OR51E1: variants seen among roughly 807,000 people sequenced by gnomAD.
OR51E1 encodes the protein olfactory receptor family 51 subfamily E member 1.
OR51E1 carries 9 observed loss-of-function variants against 11.5 expected under a neutral mutation model. The ratio of observed to expected loss-of-function variants is 0.78; its 90% CI spans 0.47 to 1.37. OR51E1 has a LOEUF of 1.37. Ranked by LOEUF, OR51E1 falls within the 40% of genes most tolerant of loss-of-function variation. The probability of loss-of-function intolerance (pLI) is 0.00; values close to 1 mark genes in which losing one functional copy is unlikely to be tolerated. For synonymous variants in OR51E1, 168 were observed against 158.3 expected (o/e 1.06, Z -0.46); for missense variants, 397 against 410.2 (o/e 0.97, Z 0.28).
rs771264711 is a variant in OR51E1, at chr11:4,653,081, A to C, written c.555A>C (p.Gln185His). 2.7e-5 allele frequency: 44 copies of C among 1,613,864 alleles called. No homozygotes were observed. The highest frequency in any genetic ancestry group is 3.6e-5 in the Non-Finnish European group (42 of 1,179,934). The change falls in exon 2 of 2, where the codon CAA (glutamine) becomes CAC (histidine). Residue 185 changes from glutamine to histidine, a missense_variant. Physicochemically the swap from Gln to His is conservative, Grantham distance 24. Coordinates refer to ENST00000396952, the MANE Select transcript of OR51E1 (RefSeq NM_152430.4). ...NILSHSYCLH[Q>H]DVMKLACDDI... Reference sequence around the variant, plus strand: ...TTTCCCATTCCTACTGCCTACACCAAGATGTCATGAAGCTGGCCTGTGATG... The same window carrying C: ...TTTCCCATTCCTACTGCCTACACCACGATGTCATGAAGCTGGCCTGTGATG...
chr11:4,647,785 A>T (rs1847047305), intron 1 of OR51E1, among the ~76,000 whole-genome samples: 1 of 152,226 alleles, frequency 6.6e-6, no homozygotes, highest in African/African-American at 2.4e-5. Flanking sequence ...CAACTTATTC[A>T]CAGAAAATCT....
intron 1 of OR51E1, among the ~76,000 whole-genome samples, chr11:4,646,922 G>A (rs1204497379): frequency 6.6e-6 from 1 of 152,132 alleles, no homozygotes; most frequent in Non-Finnish European, 1.5e-5. Flanking sequence ...TTAAACTTTG[G>A]TTATGTTATT....
chr11:4,652,631 C>T lies in OR51E1; in HGVS notation c.105C>T (p.Cys35=). 1.2e-6 allele frequency: 2 copies of T among 1,613,584 alleles called. No homozygotes were observed. The highest frequency in any genetic ancestry group is 8.5e-7 in the Non-Finnish European group (1 of 1,179,618). Reference sequence around the variant, plus strand: ...AGTTCTGGTTGGCCTTCCCATTGTGCTCCCTCTACCTTATTGCTGTGCTAG... The same window carrying T: ...AGTTCTGGTTGGCCTTCCCATTGTGTTCCCTCTACCTTATTGCTGTGCTAG... ...EAQFWLAFPL[C]SLYLIAVLGN... The change falls in exon 2 of 2, where the codon TGC becomes TGT. Residue 35 remains cysteine, a synonymous_variant. Transcript: ENST00000396952.
Position 4,653,199 on chromosome 11 carries a change from C to T in OR51E1, c.673C>T (p.Leu225Phe), listed in dbSNP as rs1489469058. Residue 225 changes from leucine to phenylalanine, a missense_variant, in exon 2 of 2, where the codon CTT becomes TTT. By Grantham distance (22) the Leu-to-Phe change is conservative. Coordinates refer to ENST00000396952, the MANE Select transcript of OR51E1 (RefSeq NM_152430.4). ...CATCTCCTTCTCATATCTGCTTATT[C>T]TTAAGACTGTGTTGGGCTTGACACG... Reference protein sequence around the residue: ...LLISFSYLLILKTVLGLTREA... With the variant: ...LLISFSYLLIFKTVLGLTREA... 1.2e-6 allele frequency: 2 copies of T among 1,614,004 alleles called. No homozygotes were observed. The highest frequency in any genetic ancestry group is 1.7e-6 in the Non-Finnish European group (2 of 1,179,996).
At chr11:4,644,828 A>G (rs955210001) in intron 1 of OR51E1, among the ~76,000 whole-genome samples, 10 of 152,148 alleles carry the variant, frequency 6.6e-5, no homozygotes, top group Non-Finnish European at 2.9e-5. Context: ...ATACCCTGCA[A>G]GACCCTGTTA....
rs1327801225 is a variant in OR51E1 at position 4,653,292 on chromosome 11, C to A, written c.766C>A (p.Pro256Thr). ...HVCAVFIFYV[P>T]FIGLSMVHRF... The stretch of plus-strand genomic sequence containing the variant: ...GTGTGCTGTGTTCATATTCTATGTA[C>A]CTTTCATTGGATTGTCCATGGTGCA... The change falls in exon 2 of 2, where the codon CCT (proline) becomes ACT (threonine). Residue 256 changes from proline (P) to threonine (T), a missense_variant. Transcript: ENST00000396952. 3 of 1,614,138 alleles carry A rather than the reference C, an allele frequency of 1.9e-6. No homozygotes were observed. The highest frequency in any genetic ancestry group is 1.7e-5 in the Admixed American group (1 of 60,014).
At chr11:4,648,231 G>A (rs936051968) in intron 1 of OR51E1, among the ~76,000 whole-genome samples, 1 of 152,038 alleles carries the variant, frequency 6.6e-6, no homozygotes, top group African/African-American at 2.4e-5. Flanking sequence ...TTGATTTCTG[G>A]TATCTTTGTA....
At position 4,652,928 on chromosome 11, in the gene OR51E1, C is replaced by T; in HGVS notation, c.402C>T (p.Arg134=). The change falls in exon 2 of 2, where the codon CGC becomes CGT. Residue 134 remains arginine (R), a synonymous_variant. Coordinates refer to ENST00000396952, the MANE Select transcript of OR51E1 (RefSeq NM_152430.4). ...ATGTGGCCATCTGTCACCCACTGCG[C>T]CATGCCACAGTACTTACGTTGCCTC... The part of the protein sequence containing the change: ...DRYVAICHPL[R]HATVLTLPRV... 1 of 1,610,032 alleles carries T rather than the reference C, an allele frequency of 6.2e-7. No individual in the cohort carries two copies. The highest frequency in any genetic ancestry group is 8.5e-7 in the Non-Finnish European group (1 of 1,177,814).
chr11:4,653,023 T>A lies in OR51E1; in HGVS notation c.497T>A (p.Ile166Asn). 6.2e-7 allele frequency: 1 copy of A among 1,608,800 alleles called. No individual in the cohort carries two copies. Among genetic ancestry groups the A allele is most frequent in the South Asian group, 1.1e-5 (1 of 89,856 alleles). ...AALMAPLPVF[I>N]KQLPFCRSNI... ...CTGATGGCACCCCTTCCTGTCTTCA[T>A]CAAGCAGCTGCCCTTCTGCCGCTCC... Residue 166 changes from isoleucine to asparagine, a missense_variant, in exon 2 of 2, where the codon ATC becomes AAC. Coordinates refer to ENST00000396952, the MANE Select transcript of OR51E1 (RefSeq NM_152430.4).
At chr11:4,645,232 G>C (rs1237293636) in intron 1 of OR51E1, among the ~76,000 whole-genome samples, 1 of 152,118 alleles carries the variant, frequency 6.6e-6, no homozygotes, top group Non-Finnish European at 1.5e-5. Flanking sequence ...TTTATCTACT[G>C]TTTCATCTCC....
Position 4,653,258 on chromosome 11 carries a change from C to T in OR51E1, c.732C>T (p.Val244=), listed in dbSNP as rs1847127125. The change falls in exon 2 of 2, where the codon GTC becomes GTT. Residue 244 remains valine (V), a synonymous_variant. Coordinates refer to ENST00000396952, the MANE Select transcript of OR51E1 (RefSeq NM_152430.4). ...EAQAKAFGTC[V]SHVCAVFIFY... ...AGGCCAAGGCATTTGGCACTTGCGTCTCTCATGTGTGTGCTGTGTTCATAT... is the reference window on the plus strand; with the variant it reads ...AGGCCAAGGCATTTGGCACTTGCGTTTCTCATGTGTGTGCTGTGTTCATAT... 2 of 1,614,088 alleles carry T rather than the reference C, an allele frequency of 1.2e-6. No homozygotes were observed. The highest frequency in any genetic ancestry group is 1.3e-5 in the African/African-American group (1 of 75,014).
At position 4,653,101 on chromosome 11, in the gene OR51E1, G is replaced by C. The variant is rs1302596193; in HGVS notation, c.575G>C (p.Cys192Ser). Residue 192 changes from cysteine to serine, a missense_variant, in exon 2 of 2, where the codon TGT (cysteine) becomes TCT (serine). Cys to Ser is a moderately radical substitution (Grantham distance 112). Transcript: ENST00000396952. ...CLHQDVMKLACDDIRVNVVYG... is the reference protein window; with the variant it reads ...CLHQDVMKLASDDIRVNVVYG... ...CACCAAGATGTCATGAAGCTGGCCT[G>C]TGATGATATCCGGGTCAATGTCGTC... The C allele has an allele frequency of 6.8e-6, 11 of 1,613,804 alleles. No homozygotes were observed. Among genetic ancestry groups the C allele is most frequent in the African/African-American group, 1.3e-5 (1 of 74,900 alleles).
rs1194991148 is a variant in OR51E1 at position 4,654,334 on chromosome 11, T to G, written c.*851T>G. ...TCTTACATTTTCTAGAGGAGGTATT[T>G]AATTTCTTCTCACTCATCCAGTGTT... On this transcript the variant is annotated 3_prime_UTR_variant, in exon 2 of 2. Transcript: ENST00000396952. The G allele has an allele frequency of 6.0e-6, 1 of 167,124 alleles. No individual in the cohort carries two copies. Among genetic ancestry groups the G allele is most frequent in the Non-Finnish European group, 1.5e-5 (1 of 68,134 alleles). 10.4% of individuals were successfully genotyped at this position (167,124 alleles called of 1,614,324 possible). A position where few individuals can be genotyped will look rare whatever the true frequency, so the allele number is the denominator to read the frequency against.
chr11:4,653,536 A>T lies in OR51E1; in HGVS notation c.*53A>T. On this transcript the variant is annotated 3_prime_UTR_variant, in exon 2 of 2. Coordinates refer to ENST00000396952, the MANE Select transcript of OR51E1 (RefSeq NM_152430.4). ...TCAGAGTCCTCTGATTCAGATTTTA[A>T]TGTTAACATTTTGGAAGACAGTATT... is the stretch of plus-strand genomic sequence containing the variant. 1.8e-6 allele frequency: 2 copies of T among 1,136,198 alleles called. No homozygotes were observed. Among genetic ancestry groups the T allele is most frequent in the South Asian group, 3.1e-5 (2 of 64,470 alleles). The allele number at this position is 1,136,198 out of a possible 1,614,324, so 70.4% of individuals were successfully genotyped here. A position where few individuals can be genotyped will look rare whatever the true frequency, so the allele number is the denominator to read the frequency against.
In OR51E1 at chr11:4,653,400, A is replaced by T. The variant is rs1166450499; in HGVS notation, c.874A>T (p.Ile292Phe). 3 of 1,614,048 alleles carry T rather than the reference A, an allele frequency of 1.9e-6. No homozygotes were observed. The highest frequency in any genetic ancestry group is 2.5e-6 in the Non-Finnish European group (3 of 1,179,976). ...YLLVPPVLNP[I>F]VYGVKTKEIR... ...GCTGGTTCCTCCTGTGCTCAACCCAATTGTCTATGGAGTGAAGACAAAGGA... is the reference window on the plus strand; with the variant it reads ...GCTGGTTCCTCCTGTGCTCAACCCATTTGTCTATGGAGTGAAGACAAAGGA... Residue 292 changes from isoleucine to phenylalanine, a missense_variant, in exon 2 of 2, where the codon ATT (isoleucine) becomes TTT (phenylalanine). Physicochemically the swap from Ile to Phe is conservative, Grantham distance 21. Coordinates refer to ENST00000396952, the MANE Select transcript of OR51E1 (RefSeq NM_152430.4).
intron 1 of OR51E1, among the ~76,000 whole-genome samples, chr11:4,647,098 C>G (rs917130692): frequency 1.3e-5 from 2 of 152,138 alleles, no homozygotes; most frequent in African/African-American, 4.8e-5. Flanking sequence ...TAAACTTTCC[C>G]TCCCAGCAGA....
At position 4,653,309 on chromosome 11, in the gene OR51E1, C is replaced by T. The variant is rs1270028961; in HGVS notation, c.783C>T (p.Ser261=). 2.5e-6 allele frequency: 4 copies of T among 1,614,024 alleles called. No individual in the cohort carries two copies. Among genetic ancestry groups the T allele is most frequent in the Non-Finnish European group, 3.4e-6 (4 of 1,180,022 alleles). ...TCTATGTACCTTTCATTGGATTGTC[C>T]ATGGTGCATCGCTTTAGCAAGCGGC... ...FIFYVPFIGL[S]MVHRFSKRRD... The change falls in exon 2 of 2, where the codon TCC becomes TCT. Residue 261 remains serine (S), a synonymous_variant. Coordinates refer to ENST00000396952, the MANE Select transcript of OR51E1 (RefSeq NM_152430.4).
intron 1 of OR51E1, among the ~76,000 whole-genome samples, chr11:4,648,420 T>A (rs1564876554): frequency 6.6e-6 from 1 of 152,246 alleles, no homozygotes; most frequent in Non-Finnish European, 1.5e-5. Context: ...CAATGCACTA[T>A]GTGTACTCCG....
intron 1 of OR51E1, among the ~76,000 whole-genome samples, chr11:4,650,059 A>C (rs1847074842): frequency 6.6e-6 from 1 of 152,202 alleles, no homozygotes; most frequent in South Asian, 2.1e-4. Context: ...TTTTTTGAAC[A>C]TGGAGAGTTT....
Sources: gnomAD v4.1 joint callset for allele counts (sites outside exome capture counted in the v4.1 genomes callset) on GRCh38, gnomAD v4.1.1 for gene constraint, MANE v1.5 for transcripts, NCBI Gene and HGNC (gene_info 2026-07-23, HGNC 2026-07-21) for gene names.